The following MCTP2 variants were observed in gnomAD, a reference collection of about 807,000 sequenced individuals.
The protein encoded by MCTP2 is multiple C2 and transmembrane domain-containing protein 2.
MCTP2 carries 132 observed loss-of-function variants against 111.6 expected under a neutral mutation model. That is an observed-to-expected ratio of 1.18 (90% CI 1.03 to 1.37). The LOEUF (loss-of-function observed/expected upper bound fraction) is 1.37. Ranked by LOEUF, MCTP2 falls within the 40% of genes most tolerant of loss-of-function variation. The pLI is 0.00. For missense variants in MCTP2, 1,183 were observed against 1,067.9 expected, an observed-to-expected ratio of 1.11 and a Z score of -1.50; for synonymous variants, 395 against 387.7, an observed-to-expected ratio of 1.02 and a Z score of -0.22.
intron 1 of MCTP2, among the ~76,000 whole-genome samples, chr15:94,244,923 C>G (rs1462556162): frequency 8.7e-6 from 1 of 114,756 alleles, no homozygotes; most frequent in South Asian, 2.9e-4. Flanking sequence ...TGTTTATATA[C>G]GTATATGTAT....
At position 94,241,036 on chromosome 15, in the gene MCTP2, C is replaced by T. The variant is rs149060225; in HGVS notation, c.-66+9372C>T. 6.2e-3 allele frequency among the ~76,000 whole-genome samples: 941 copies of T among 152,224 alleles called. 1 individual carries two copies. Among genetic ancestry groups the T allele is most frequent in the African/African-American group, 0.022 (897 of 41,536 alleles). On this transcript the variant is annotated intron_variant, in intron 1 of 22. Transcript: ENST00000357742. ...TTTCAAGATCCAGAGTATACAGACA[C>T]GGTGGATGTTTTGGTTATCGTGGTC... is the stretch of plus-strand genomic sequence containing the variant.
At chr15:94,441,575 T>C (rs1314357335) in intron 18 of MCTP2, among the ~76,000 whole-genome samples, 1 of 152,212 alleles carries the variant, frequency 6.6e-6, no homozygotes, top group African/African-American at 2.4e-5. Flanking sequence ...TATACCTATA[T>C]GCACATAAGT....
chr15:94,271,044 T>C lies in MCTP2; in HGVS notation c.-65-27157T>C, dbSNP rs527871558. Among the ~76,000 whole-genome samples, 34 of 152,344 alleles carry C rather than the reference T, an allele frequency of 2.2e-4. No homozygotes were observed. The East Asian group carries it at 6.4e-3, about 29-fold the overall frequency. ...AGAAGTTGTAATTGACTGGTAACAC[T>C]TGGTTGTATTACCAGTCAATCACAA... is the stretch of plus-strand genomic sequence containing the variant. On this transcript the variant is annotated intron_variant, in intron 1 of 22. Transcript: ENST00000357742.
At chr15:94,256,392 C>T (rs2072772880) in intron 1 of MCTP2, among the ~76,000 whole-genome samples, 1 of 152,110 alleles carries the variant, frequency 6.6e-6, no homozygotes, top group African/African-American at 2.4e-5. Flanking sequence ...GATACTCAAC[C>T]TGTAGTAGGA....
At chr15:94,366,111 T>C (rs1310233943) in intron 10 of MCTP2, among the ~76,000 whole-genome samples, 1 of 152,210 alleles carries the variant, frequency 6.6e-6, no homozygotes, top group Admixed American at 6.5e-5. Flanking sequence ...ACTTACATCA[T>C]GCTTATGAAA....
chr15:94,248,607 T>C (rs896163391), intron 1 of MCTP2, among the ~76,000 whole-genome samples: 9 of 152,234 alleles, frequency 5.9e-5, no homozygotes, highest in African/African-American at 2.2e-4. Context: ...CACTGTCCTG[T>C]CATTCTCAGG....
At chr15:94,417,637 G>A (rs1467068671) in intron 17 of MCTP2, among the ~76,000 whole-genome samples, 2 of 152,058 alleles carry the variant, frequency 1.3e-5, no homozygotes, top group Non-Finnish European at 2.9e-5. Flanking sequence ...ACTCCTAACA[G>A]CATTTCTAAG....
chr15:94,464,257 TTATATATA>T (rs1555481313), intron 20 of MCTP2, among the ~76,000 whole-genome samples: 1 of 44,968 alleles, frequency 2.2e-5, no homozygotes, highest in African/African-American at 6.0e-5. Flanking sequence ...TATATATATA[TTATATATA>T]TATATATATA....
intron 19 of MCTP2, among the ~76,000 whole-genome samples, chr15:94,446,369 A>G (rs1296201469): frequency 6.6e-6 from 1 of 152,212 alleles, no homozygotes; most frequent in African/African-American, 2.4e-5. Context: ...GCCAACAGCA[A>G]TCAGTTGACA....
Position 94,263,556 on chromosome 15 carries a change from G to T in MCTP2, c.-66+31892G>T, listed in dbSNP as rs531919861. ...TTTATCTAAAACATGTGTCTTCTCT[G>T]TAAGACACATCACAGCCTTCTGTCC... On this transcript the variant is annotated intron_variant, in intron 1 of 22. Transcript: ENST00000357742. Among the ~76,000 whole-genome samples, 3 of 152,302 alleles carry T rather than the reference G, an allele frequency of 2.0e-5. No homozygotes were observed. In the South Asian group the frequency reaches 6.2e-4, roughly 32 times the overall value.
At chr15:94,311,751 A>C (rs1222101294) in intron 2 of MCTP2, among the ~76,000 whole-genome samples, 1 of 152,200 alleles carries the variant, frequency 6.6e-6, no homozygotes, top group Non-Finnish European at 1.5e-5. Flanking sequence ...TGTTGTTATA[A>C]GTGGAAGACT....
chr15:94,357,983 T>C (rs1349921567), intron 9 of MCTP2, among the ~76,000 whole-genome samples: 1 of 152,204 alleles, frequency 6.6e-6, no homozygotes, highest in East Asian at 1.9e-4. Flanking sequence ...TAACTTTGGA[T>C]TTAAAAATAG....
chr15:94,258,798 C>A (rs1356071001), intron 1 of MCTP2, among the ~76,000 whole-genome samples: 1 of 152,096 alleles, frequency 6.6e-6, no homozygotes, highest in Non-Finnish European at 1.5e-5. Context: ...CCTGGTATTG[C>A]AGTTTTGTTA....
rs373112710 is a variant in MCTP2 at position 94,400,047 on chromosome 15, G to A, written c.1965+52G>A. 13 of 1,483,692 alleles carry A rather than the reference G, an allele frequency of 8.8e-6. No individual in the cohort carries two copies. The African/African-American group carries it at 1.8e-4, about 21-fold the overall frequency. The allele number at this position is 1,483,692 out of a possible 1,614,324, so 91.9% of individuals were successfully genotyped here. Reference sequence around the variant, plus strand: ...TGATTGGTACACTCAGCACCCAGCAGCTGAAGTATTAACACTTGCCTGTAA... The same window carrying A: ...TGATTGGTACACTCAGCACCCAGCAACTGAAGTATTAACACTTGCCTGTAA... On this transcript the variant is annotated intron_variant, in intron 16 of 22. Coordinates refer to ENST00000357742, the MANE Select transcript of MCTP2 (RefSeq NM_001385001.1).
chr15:94,285,733 A>G (rs1263312061), intron 1 of MCTP2, among the ~76,000 whole-genome samples: 4 of 152,146 alleles, frequency 2.6e-5, no homozygotes, highest in Non-Finnish European at 5.9e-5. Context: ...AGCACACTAT[A>G]TGAATTTGGA....
chr15:94,454,551 G>C (rs1004100819), intron 19 of MCTP2, among the ~76,000 whole-genome samples: 1 of 151,320 alleles, frequency 6.6e-6, no homozygotes, highest in African/African-American at 2.4e-5. Context: ...TTGAACCTTC[G>C]AAGATATCTC....
At chr15:94,390,848 G>A (rs939853819) in intron 14 of MCTP2, among the ~76,000 whole-genome samples, 1 of 149,476 alleles carries the variant, frequency 6.7e-6, no homozygotes, top group African/African-American at 2.5e-5. Flanking sequence ...TCCTGCCTCA[G>A]TCTCCTGAAT....
At chr15:94,416,515 A>G (rs1310730678) in intron 17 of MCTP2, among the ~76,000 whole-genome samples, 9 of 152,116 alleles carry the variant, frequency 5.9e-5, no homozygotes, top group African/African-American at 1.9e-4. Flanking sequence ...CTCTGATTGC[A>G]TGTTATCTCA....
chr15:94,257,566 G>GTTTTTTTTTTTTTTTTT (rs1220635423), intron 1 of MCTP2, among the ~76,000 whole-genome samples: 6 of 73,004 alleles, frequency 8.2e-5, no homozygotes, highest in Non-Finnish European at 1.1e-4. Flanking sequence ...CATTTTCTTT[G>GTTTTTTTTTTTTTTTTT]TTGTTTTTTT....
Sources: allele counts gnomAD v4.1 joint callset (sites outside exome capture counted in the v4.1 genomes callset), GRCh38; gene constraint gnomAD v4.1.1; transcripts MANE v1.5; gene names NCBI Gene and HGNC (gene_info 2026-07-23, HGNC 2026-07-21).